The following ATP2C1 variants were observed in gnomAD, a reference collection of about 807,000 sequenced individuals.
ATP2C1 encodes calcium-transporting ATPase type 2C member 1.
In ATP2C1, 31 loss-of-function variants were observed where a neutral mutation model predicts 120.5. That is an observed-to-expected ratio of 0.26 (90% CI 0.19 to 0.35). The LOEUF (loss-of-function observed/expected upper bound fraction) is 0.35. ATP2C1 is among the 10% of genes least tolerant of loss of function. The pLI, the probability that ATP2C1 is intolerant of heterozygous loss-of-function variation, is 1.00. For synonymous variants in ATP2C1, 351 were observed against 358.7 expected (o/e 0.98, Z 0.24); for missense variants, 731 against 1,107.5 (o/e 0.66, Z 4.83).
At chr3:130,962,735 AAAG>A (rs1378628224) in intron 12 of ATP2C1, among the ~76,000 whole-genome samples, 6 of 150,536 alleles carry the variant, frequency 4.0e-5, no homozygotes, top group African/African-American at 7.3e-5. Flanking sequence ...AAAAAAAAGA[AAAG>A]AAAAAAGAAA....
upstream of ATP2C1, among the ~76,000 whole-genome samples, chr3:130,889,957 A>G (rs140184372): frequency 2.4e-4 from 36 of 152,270 alleles, no homozygotes; most frequent in African/African-American, 8.4e-4. Context: ...TAAACTTCTT[A>G]AAAATCCCTT....
chr3:131,013,355 A>G (rs545816902), intron 26 of ATP2C1, among the ~76,000 whole-genome samples: 1 of 152,322 alleles, frequency 6.6e-6, no homozygotes, highest in Non-Finnish European at 1.5e-5. Flanking sequence ...GACTCATTAA[A>G]TACTTTCACA....
chr3:130,999,553 T>C lies in ATP2C1; in HGVS notation c.2523T>C (p.Asn841=). ...KSVFEIGLCS[N]RMFCYAVLGS... is the part of the protein sequence containing the mutation. Reference sequence around the variant, plus strand: ...TGTTTGAGATTGGACTCTGCAGTAATAGAATGTTTTGCTATGCAGTTCTTG... The same window carrying C: ...TGTTTGAGATTGGACTCTGCAGTAACAGAATGTTTTGCTATGCAGTTCTTG... Residue 841 remains asparagine, a synonymous_variant, in exon 27 of 28, where the codon AAT becomes AAC. Coordinates refer to ENST00000510168, the MANE Select transcript of ATP2C1 (RefSeq NM_001378687.1). The C allele has an allele frequency of 6.2e-7, 1 of 1,613,710 alleles. No homozygotes were observed. Among genetic ancestry groups the C allele is most frequent in the South Asian group, 1.1e-5 (1 of 91,062 alleles).
chr3:130,914,952 C>T (rs76884163), intron 2 of ATP2C1, among the ~76,000 whole-genome samples: 4,112 of 152,224 alleles, frequency 0.027, 191 homozygotes, highest in African/African-American at 0.093. Flanking sequence ...TTAGCACCTA[C>T]GGGAAAGCAG....
intron 1 of ATP2C1, among the ~76,000 whole-genome samples, chr3:130,862,850 A>G (rs1190175241): frequency 1.3e-5 from 2 of 152,250 alleles, no homozygotes; most frequent in Non-Finnish European, 2.9e-5. Flanking sequence ...AGACATACCT[A>G]TGGCCACTTC....
chr3:130,859,956 A>T (rs1418952987), intron 1 of ATP2C1, among the ~76,000 whole-genome samples: 3 of 152,260 alleles, frequency 2.0e-5, no homozygotes, highest in African/African-American at 7.2e-5. Context: ...TACCAATTAA[A>T]AGTTAACAGA....
At chr3:130,851,508 A>G (rs950854955) in intron 1 of ATP2C1, among the ~76,000 whole-genome samples, 3 of 152,224 alleles carry the variant, frequency 2.0e-5, no homozygotes, top group African/African-American at 4.8e-5. Context: ...AGCAGGAGAC[A>G]CTATCACTTG....
chr3:130,900,014 AC>A (rs1455020903), intron 2 of ATP2C1, among the ~76,000 whole-genome samples: 1 of 152,052 alleles, frequency 6.6e-6, no homozygotes, highest in Non-Finnish European at 1.5e-5. Context: ...AGAAGGAAAT[AC>A]GTTAATTTAG....
In ATP2C1 at chr3:130,951,655, G is replaced by C. The variant is rs75144100; in HGVS notation, c.532-2166G>C. Among the ~76,000 whole-genome samples the C allele has an allele frequency of 7.9e-5, 12 of 152,150 alleles. 1 individual carries two copies. In the East Asian group the frequency reaches 2.3e-3, roughly 29 times the overall value. Reference sequence around the variant, plus strand: ...AATAAAGAAAAATTCACTTGCCTTTGAACATGACAGGTGTTTTTTAAATCT... The same window carrying C: ...AATAAAGAAAAATTCACTTGCCTTTCAACATGACAGGTGTTTTTTAAATCT... On this transcript the variant is annotated intron_variant, in intron 8 of 27. Transcript: ENST00000510168.
At chr3:130,860,652 T>G (rs1158354510) in intron 1 of ATP2C1, among the ~76,000 whole-genome samples, 1 of 152,230 alleles carries the variant, frequency 6.6e-6, no homozygotes, top group African/African-American at 2.4e-5. Context: ...TCTGAGATTT[T>G]AGCTCCAGGT....
chr3:130,969,671 G>A (rs2061207589), intron 17 of ATP2C1, among the ~76,000 whole-genome samples: 1 of 152,158 alleles, frequency 6.6e-6, no homozygotes, highest in Admixed American at 6.5e-5. Context: ...TGAAGCTTGT[G>A]ACATCAGATT....
At chr3:130,927,888 C>T (rs2059286122) in intron 2 of ATP2C1, 1 of 154,640 alleles carries the variant, frequency 6.5e-6, no homozygotes, top group African/African-American at 2.4e-5. Flanking sequence ...AGACTCTTGT[C>T]ACTGTTGTCA....
intron 4 of ATP2C1, 76 bp from the exon 5 acceptor site, chr3:130,934,546 T>G: frequency 1.0e-6 from 1 of 953,318 alleles, no homozygotes; most frequent in South Asian, 1.4e-5. Flanking sequence ...CTTATGGTTT[T>G]TTTTTTTTAA....
At chr3:130,978,500 A>T (rs1048604570) in intron 18 of ATP2C1, among the ~76,000 whole-genome samples, 2 of 152,134 alleles carry the variant, frequency 1.3e-5, no homozygotes, top group African/African-American at 4.8e-5. Flanking sequence ...AAGCTAAATG[A>T]TATTTGGGAA....
chr3:130,987,993 A>C (rs2062105555), intron 20 of ATP2C1, among the ~76,000 whole-genome samples: 1 of 152,176 alleles, frequency 6.6e-6, no homozygotes, highest in Non-Finnish European at 1.5e-5. Context: ...AGAAGTGGTC[A>C]TCCTCTTTCA....
chr3:130,972,856 A>T (rs2061390262), intron 17 of ATP2C1, among the ~76,000 whole-genome samples: 1 of 152,022 alleles, frequency 6.6e-6, no homozygotes, highest in African/African-American at 2.4e-5. Flanking sequence ...ACAGGGAGGG[A>T]TTACTAGATA....
At chr3:130,912,738 C>T (rs2058491801) in intron 2 of ATP2C1, among the ~76,000 whole-genome samples, 1 of 147,720 alleles carries the variant, frequency 6.8e-6, no homozygotes, top group African/African-American at 2.5e-5. Flanking sequence ...TTTGACCCAG[C>T]CATCCCATTA....
chr3:130,934,420 GA>G (rs2059578667), intron 4 of ATP2C1, among the ~76,000 whole-genome samples: 1 of 150,676 alleles, frequency 6.6e-6, no homozygotes, highest in Non-Finnish European at 1.5e-5. Context: ...TTTTTTTTCT[GA>G]AAAGGAACTG....
intron 1 of ATP2C1, among the ~76,000 whole-genome samples, chr3:130,865,337 T>G (rs909598968): frequency 5.9e-5 from 9 of 152,194 alleles, no homozygotes; most frequent in Non-Finnish European, 1.2e-4. Context: ...TGCTATTGAT[T>G]TACAGGCTCA....
Sources: gnomAD v4.1 joint callset for allele counts (sites outside exome capture counted in the v4.1 genomes callset) on GRCh38, gnomAD v4.1.1 for gene constraint, MANE v1.5 for transcripts, NCBI Gene and HGNC (gene_info 2026-07-23, HGNC 2026-07-21) for gene names.